The following SERPINB10 variants were observed in gnomAD, a reference collection of about 807,000 sequenced individuals.
The protein encoded by SERPINB10 is serpin family B member 10.
Under a neutral mutation model 39.1 loss-of-function variants are expected in SERPINB10, and 35 were observed. That is an observed-to-expected ratio of 0.90 (90% CI 0.68 to 1.19). The LOEUF (loss-of-function observed/expected upper bound fraction) is 1.19, where lower values mean the gene tolerates loss of function less well. Ranked by LOEUF, SERPINB10 falls within the 50% of genes most tolerant of loss-of-function variation. The pLI is 0.00. For synonymous variants in SERPINB10, 190 were observed against 158.1 expected (o/e 1.20, Z -1.52); for missense variants, 546 against 460.5 (o/e 1.19, Z -1.70).
chr18:63,908,901 A>C (rs2050044543), intron 1 of SERPINB10, among the ~76,000 whole-genome samples: 1 of 152,026 alleles, frequency 6.6e-6, no homozygotes, highest in South Asian at 2.1e-4. Flanking sequence ...TTAGCCACTA[A>C]AATCTTAAAC....
chr18:63,917,917 G>A (rs199974056), intron 3 of SERPINB10, 48 bp from the exon 4 acceptor site: 46 of 1,561,828 alleles, frequency 2.9e-5, no homozygotes, highest in East Asian at 4.5e-5. Context: ...TAACATGTAC[G>A]TAACTCTTGT....
chr18:63,933,195 C>G lies in SERPINB10; in HGVS notation c.781C>G (p.Leu261Val). The change falls in exon 7 of 8, where the codon CTG becomes GTG. Residue 261 changes from leucine (L) to valine (V), a missense_variant. Transcript: ENST00000238508. ...ACTACTGCCAGAAGACATTAATGGG[C>G]TGGAACAGGTAAATAACATCAGTGT... Reference protein sequence around the residue: ...LILLPEDINGLEQLEKAITYE... With the variant: ...LILLPEDINGVEQLEKAITYE... 1 of 1,613,906 alleles carries G rather than the reference C, an allele frequency of 6.2e-7. No individual in the cohort carries two copies. The highest frequency in any genetic ancestry group is 8.5e-7 in the Non-Finnish European group (1 of 1,179,898).
At chr18:63,932,729 C>T (rs2050232078) in intron 6 of SERPINB10, among the ~76,000 whole-genome samples, 1 of 151,850 alleles carries the variant, frequency 6.6e-6, no homozygotes, top group South Asian at 2.1e-4. Context: ...TAAAATATGC[C>T]TTAGTTTTTG....
chr18:63,917,938 A>C, intron 3 of SERPINB10, 27 bp from the exon 4 acceptor site: 1 of 1,602,924 alleles, frequency 6.2e-7, no homozygotes, highest in East Asian at 2.2e-5. Flanking sequence ...TCAACATTTT[A>C]TTTGACTAGT....
intron 5 of SERPINB10, among the ~76,000 whole-genome samples, chr18:63,923,868 T>A (rs780011462): frequency 1.3e-5 from 2 of 151,968 alleles, no homozygotes; most frequent in Non-Finnish European, 2.9e-5. Context: ...ATGATTTTGC[T>A]CCAGCCGTGT....
At chr18:63,910,965 T>C (rs2050060235) in intron 1 of SERPINB10, among the ~76,000 whole-genome samples, 1 of 152,042 alleles carries the variant, frequency 6.6e-6, no homozygotes, top group South Asian at 2.1e-4. Context: ...TCTTGTTTTT[T>C]GACTTCTTAA....
At chr18:63,910,186 T>G (rs1192569508) in intron 1 of SERPINB10, among the ~76,000 whole-genome samples, 3 of 152,030 alleles carry the variant, frequency 2.0e-5, no homozygotes, top group African/African-American at 7.2e-5. Flanking sequence ...TTTCCAAAGC[T>G]CTCATTCTAG....
intron 1 of SERPINB10, among the ~76,000 whole-genome samples, chr18:63,912,312 GTAC>G (rs2050070805): frequency 6.6e-6 from 1 of 151,872 alleles, no homozygotes; most frequent in Non-Finnish European, 1.5e-5. Context: ...AGGACTTCTA[GTAC>G]TATGTTGAAT....
rs182175928 is a variant in SERPINB10, at chr18:63,910,908, C to T, written c.-10+2868C>T. 4.9e-4 allele frequency among the ~76,000 whole-genome samples: 74 copies of T among 152,118 alleles called. 3 individuals carry two copies. In the East Asian group the frequency reaches 8.1e-3, roughly 17 times the overall value. ...TTTCCATAGTAGCTGATCTAATTTA[C>T]ATTTCCATCAACAGTGTACCCTTTT... On this transcript the variant is annotated intron_variant, in intron 1 of 7. Transcript: ENST00000238508.
intron 5 of SERPINB10, among the ~76,000 whole-genome samples, chr18:63,925,230 T>A (rs1354038553): frequency 1.3e-5 from 2 of 151,924 alleles, no homozygotes; most frequent in Admixed American, 1.3e-4. Context: ...AGAAAGATAA[T>A]TCAATAGATA....
intron 5 of SERPINB10, among the ~76,000 whole-genome samples, chr18:63,928,638 T>C (rs2050196907): frequency 6.6e-6 from 1 of 152,110 alleles, no homozygotes; most frequent in Non-Finnish European, 1.5e-5. Context: ...CCTTGGGCAG[T>C]ATGGCCGTTT....
At chr18:63,931,788 A>G (rs961387270) in intron 6 of SERPINB10, among the ~76,000 whole-genome samples, 7 of 152,290 alleles carry the variant, frequency 4.6e-5, no homozygotes, top group South Asian at 4.2e-4. Context: ...TATAGTTTAC[A>G]TTTGGGTCCA....
At chr18:63,915,901 T>C (rs2050098934) in intron 2 of SERPINB10, among the ~76,000 whole-genome samples, 1 of 152,090 alleles carries the variant, frequency 6.6e-6, no homozygotes, top group Non-Finnish European at 1.5e-5. Context: ...CTGTGTCCTT[T>C]AGCAAAATAA....
chr18:63,926,170 G>A (rs1418426899), intron 5 of SERPINB10, among the ~76,000 whole-genome samples: 1 of 152,042 alleles, frequency 6.6e-6, no homozygotes. Context: ...ACTTGCATGA[G>A]CTTCTCATAG....
At position 63,935,167 on chromosome 18, in the gene SERPINB10, T is replaced by A. The variant is rs1489217332; in HGVS notation, c.1119T>A (p.Asn373Lys). ...TCCCATCCATTGAATTCAATGCAAA[T>A]CACCCATTCCTCTTCTTCATCAGGC... is the stretch of plus-strand genomic sequence containing the variant. The part of the protein sequence containing the change: ...IRVPSIEFNA[N>K]HPFLFFIRHN... Residue 373 changes from asparagine to lysine, a missense_variant, in exon 8 of 8, where the codon AAT (asparagine) becomes AAA (lysine). Physicochemically the swap from Asn to Lys is moderately conservative, Grantham distance 94. Coordinates refer to ENST00000238508, the MANE Select transcript of SERPINB10 (RefSeq NM_005024.3). The A allele has an allele frequency of 2.5e-6, 4 of 1,612,996 alleles. No homozygotes were observed. Among genetic ancestry groups the A allele is most frequent in the Admixed American group, 1.7e-5 (1 of 59,974 alleles).
chr18:63,925,859 C>T (rs892087805), intron 5 of SERPINB10, among the ~76,000 whole-genome samples: 1 of 151,944 alleles, frequency 6.6e-6, no homozygotes, highest in Non-Finnish European at 1.5e-5. Context: ...AAAGTATCTT[C>T]CCACATGATA....
At chr18:63,908,767 A>G (rs937776474) in intron 1 of SERPINB10, among the ~76,000 whole-genome samples, 1 of 152,014 alleles carries the variant, frequency 6.6e-6, no homozygotes, top group African/African-American at 2.4e-5. Context: ...AGGTAATATT[A>G]TCAGTATCAT....
rs2050253168 is a variant in SERPINB10, at chr18:63,935,124, T to C, written c.1076T>C (p.Ile359Thr). 1 of 1,613,822 alleles carries C rather than the reference T, an allele frequency of 6.2e-7. No homozygotes were observed. Residue 359 changes from isoleucine (I) to threonine (T), a missense_variant, in exon 8 of 8, where the codon ATA becomes ACA. Physicochemically the swap from Ile to Thr is moderately conservative, Grantham distance 89. Coordinates refer to ENST00000238508, the MANE Select transcript of SERPINB10 (RefSeq NM_005024.3). Reference protein sequence around the residue: ...TEAAAGSGSEIDIRIRVPSIE... With the variant: ...TEAAAGSGSETDIRIRVPSIE... Reference sequence around the variant, plus strand: ...GCTGCAGCTGGCAGTGGGAGTGAGATAGATATACGAATTAGAGTCCCATCC... The same window carrying C: ...GCTGCAGCTGGCAGTGGGAGTGAGACAGATATACGAATTAGAGTCCCATCC...
intron 2 of SERPINB10, among the ~76,000 whole-genome samples, 177 bp downstream of exon 2, chr18:63,915,855 A>G (rs1599076971): frequency 2.0e-5 from 3 of 152,086 alleles, no homozygotes; most frequent in South Asian, 2.1e-4. Context: ...AAGAGAATCA[A>G]TTTGCAAACT....
Sources: allele counts gnomAD v4.1 joint callset (sites outside exome capture counted in the v4.1 genomes callset), GRCh38; gene constraint gnomAD v4.1.1; transcripts MANE v1.5; gene names NCBI Gene and HGNC (gene_info 2026-07-23, HGNC 2026-07-21).